LARGE1: variants seen among roughly 807,000 people sequenced by gnomAD.
The protein encoded by LARGE1 is xylosyl- and glucuronyltransferase LARGE1.
LARGE1 carries 43 observed loss-of-function variants against 87.6 expected under a neutral mutation model. The ratio of observed to expected loss-of-function variants is 0.49; its 90% CI spans 0.38 to 0.63. The LOEUF (loss-of-function observed/expected upper bound fraction) is 0.63. LARGE1 is among the 30% of genes least tolerant of loss of function. The probability of loss-of-function intolerance (pLI) is 0.00; values close to 1 mark genes in which losing one functional copy is unlikely to be tolerated. For synonymous variants in LARGE1, 434 were observed against 394.6 expected (o/e 1.10, Z -1.18); for missense variants, 802 against 1,000.2 (o/e 0.80, Z 2.67).
intron 4 of LARGE1, among the ~76,000 whole-genome samples, chr22:33,620,830 T>C (rs1326225109): frequency 2.0e-5 from 3 of 152,008 alleles, no homozygotes; most frequent in Non-Finnish European, 2.9e-5. Flanking sequence ...GGCAGGAGAA[T>C]TGCTTGAACC....
At chr22:33,511,357 G>C (rs1306303802) in intron 6 of LARGE1, among the ~76,000 whole-genome samples, 3 of 152,132 alleles carry the variant, frequency 2.0e-5, no homozygotes, top group South Asian at 4.1e-4. Flanking sequence ...CTCTGATACA[G>C]ACAACAAGGG....
intron 10 of LARGE1, among the ~76,000 whole-genome samples, chr22:33,325,092 A>T (rs1937123118): frequency 6.6e-6 from 1 of 152,234 alleles, no homozygotes; most frequent in South Asian, 2.1e-4. Context: ...ACCCAGGTGT[A>T]TTTCCTCTGA....
At chr22:33,139,085 C>T in the LARGE1 span, among the ~76,000 whole-genome samples, 4 of 152,120 alleles carry the variant, frequency 2.6e-5, no homozygotes, top group African/African-American at 2.4e-5. Flanking sequence ...ATGACATGCT[C>T]CTCCTTGCCT....
At chr22:33,302,564 T>C (rs970570168) in intron 12 of LARGE1, among the ~76,000 whole-genome samples, 2 of 152,100 alleles carry the variant, frequency 1.3e-5, no homozygotes, top group South Asian at 2.1e-4. Context: ...AACCTACGCT[T>C]TGGCTTCCCG....
intron 11 of LARGE1, among the ~76,000 whole-genome samples, chr22:33,262,243 A>G (rs1340749664): frequency 2.0e-5 from 3 of 152,146 alleles, no homozygotes; most frequent in Admixed American, 2.0e-4. Flanking sequence ...TCAAGAATGG[A>G]GCTCTCATGC....
At chr22:33,649,390 T>C (rs2080721347) in intron 3 of LARGE1, among the ~76,000 whole-genome samples, 1 of 152,200 alleles carries the variant, frequency 6.6e-6, no homozygotes, top group South Asian at 2.1e-4. Context: ...CACTCTTTAT[T>C]CCAGAAAATG....
At chr22:33,116,423 C>G in the LARGE1 span, 1 of 152,154 alleles carries the variant, frequency 6.6e-6, no homozygotes, top group African/African-American at 2.4e-5. Context: ...GGCTCGATCT[C>G]GGCTCACTGC....
At chr22:33,723,222 G>A (rs994272720) in intron 2 of LARGE1, among the ~76,000 whole-genome samples, 4 of 152,192 alleles carry the variant, frequency 2.6e-5, no homozygotes, top group African/African-American at 7.2e-5. Context: ...TAAAAGAACC[G>A]TATGAAGCTC....
intron 6 of LARGE1, among the ~76,000 whole-genome samples, chr22:33,502,426 G>A (rs1244648229): frequency 1.3e-5 from 2 of 152,140 alleles, no homozygotes; most frequent in Non-Finnish European, 2.9e-5. Flanking sequence ...ACATGAGGGT[G>A]TCTGCAGAAA....
intron 1 of LARGE1, chr22:33,861,456 C>G (rs1431609704): frequency 6.6e-6 from 1 of 152,222 alleles, no homozygotes; most frequent in Non-Finnish European, 1.5e-5. Context: ...AACAAGAAAT[C>G]ATAACAGCGA....
At chr22:33,353,358 C>A (rs1346351749) in intron 9 of LARGE1, among the ~76,000 whole-genome samples, 1 of 151,106 alleles carries the variant, frequency 6.6e-6, no homozygotes, top group Non-Finnish European at 1.5e-5. Flanking sequence ...GAATAAAGGA[C>A]AATAAAGTCC....
chr22:33,407,135 A>G (rs572435752), intron 7 of LARGE1, among the ~76,000 whole-genome samples: 1 of 152,244 alleles, frequency 6.6e-6, no homozygotes, highest in South Asian at 2.1e-4. Context: ...CCTATACCAT[A>G]TGCCAGGGAC....
intron 2 of LARGE1, among the ~76,000 whole-genome samples, chr22:33,682,741 A>G (rs561655273): frequency 6.6e-6 from 1 of 152,342 alleles, no homozygotes; most frequent in Admixed American, 6.5e-5. Flanking sequence ...AACTTGGTAC[A>G]AATATGTTTG....
In LARGE1 at chr22:33,829,252, G is replaced by A. The variant is rs191686684; in HGVS notation, c.-82-67694C>T. ...TCGAACTCCTGACCTCAAGTGATCC[G>A]CCCACCTCAGTCTCCCAAAGGGCTG... On this transcript the variant is annotated intron_variant, in intron 1 of 14. Transcript: ENST00000397394. Among the ~76,000 whole-genome samples, 246 of 151,780 alleles carry A rather than the reference G, an allele frequency of 1.6e-3. 2 individuals are homozygous for A. Among genetic ancestry groups the A allele is most frequent in the Non-Finnish European group, 6.8e-4 (46 of 67,914 alleles).
Position 33,762,807 on chromosome 22 carries a change from G to C in LARGE1, c.-82-1249C>G, listed in dbSNP as rs1265407839. Among the ~76,000 whole-genome samples the C allele has an allele frequency of 2.6e-5, 4 of 152,230 alleles. No homozygotes were observed. The East Asian group carries it at 7.8e-4, about 30-fold the overall frequency. On this transcript the variant is annotated intron_variant, in intron 1 of 14. Transcript: ENST00000397394. ...CTACAAAGGAGTTAAAAAACCAATG[G>C]ACCCTAAGACCTCATCTCTACCCAC... is the stretch of plus-strand genomic sequence containing the variant.
At chr22:33,251,427 T>G (rs1403100804) in intron 11 of LARGE1, among the ~76,000 whole-genome samples, 1 of 152,202 alleles carries the variant, frequency 6.6e-6, no homozygotes, top group East Asian at 1.9e-4. Flanking sequence ...TCTGTTTTTT[T>G]TTCTTGGGAT....
intron 11 of LARGE1, among the ~76,000 whole-genome samples, chr22:33,210,738 CTTGGGCTGCAGGTGAA>C: frequency 6.6e-6 from 1 of 152,244 alleles, no homozygotes; most frequent in Non-Finnish European, 1.5e-5. Context: ...GGCCTGGTTC[CTTGGGCTGCAGGTGAA>C]TGGTGGACCT....
Position 33,239,814 on chromosome 22 carries a change from G to A in LARGE1, c.1730+64415C>T, listed in dbSNP as rs371423718. 2.6e-5 allele frequency among the ~76,000 whole-genome samples: 4 copies of A among 152,224 alleles called. No homozygotes were observed. The East Asian group carries it at 7.7e-4, about 29-fold the overall frequency. On this transcript the variant is annotated intron_variant, in intron 11 of 11. Coordinates refer to the LARGE1 transcript ENST00000608642. The stretch of plus-strand genomic sequence containing the variant: ...GGCCTCCCAAAGTGCTGGGATTACA[G>A]AGTGAGCCACTGCGCCTGGCCTGCA...
At chr22:33,420,621 GAC>G (rs1226192381) in intron 7 of LARGE1, among the ~76,000 whole-genome samples, 2 of 152,130 alleles carry the variant, frequency 1.3e-5, no homozygotes, top group African/African-American at 4.8e-5. Flanking sequence ...CAAGAAGGAA[GAC>G]AGTTTCTCCC....
Sources: allele counts gnomAD v4.1 joint callset (sites outside exome capture counted in the v4.1 genomes callset), GRCh38; gene constraint gnomAD v4.1.1; transcripts MANE v1.5; gene names NCBI Gene and HGNC (gene_info 2026-07-23, HGNC 2026-07-21).